SYNPR: variants seen among roughly 807,000 people sequenced by gnomAD.
The protein encoded by SYNPR is synaptoporin.
SYNPR carries 23 observed loss-of-function variants against 32.9 expected under a neutral mutation model. The observed-to-expected ratio is 0.70, with a 90% CI of 0.50 to 0.99. The LOEUF (loss-of-function observed/expected upper bound fraction) is 0.99. Ranked by LOEUF, SYNPR falls within the 50% of genes least tolerant of loss-of-function variation. The pLI, the probability that SYNPR is intolerant of heterozygous loss-of-function variation, is 0.00. For synonymous variants in SYNPR, 146 were observed against 135.9 expected (o/e 1.07, Z -0.52); for missense variants, 318 against 349.3 (o/e 0.91, Z 0.71).
At chr3:63,319,027 C>G (rs1202441455) in intron 2 of SYNPR, among the ~76,000 whole-genome samples, 2 of 152,012 alleles carry the variant, frequency 1.3e-5, no homozygotes, top group African/African-American at 4.8e-5. Context: ...TGTTGTCTCT[C>G]TTCTGGGTCT....
chr3:63,427,640 A>G (rs1286374214), intron 2 of SYNPR: 1 of 152,202 alleles, frequency 6.6e-6, no homozygotes, highest in African/African-American at 2.4e-5. Context: ...TCCCTCCACA[A>G]TGGAGGAGTG....
chr3:63,387,984 C>T (rs1193221380), intron 2 of SYNPR, among the ~76,000 whole-genome samples: 1 of 152,032 alleles, frequency 6.6e-6, no homozygotes, highest in African/African-American at 2.4e-5. Flanking sequence ...CAGGCTGGGG[C>T]AGAGGAAGAA....
intron 3 of SYNPR, among the ~76,000 whole-genome samples, chr3:63,554,295 G>C (rs1702557807): frequency 1.3e-5 from 2 of 152,154 alleles, no homozygotes; most frequent in African/African-American, 4.8e-5. Flanking sequence ...ATTTGCCAAG[G>C]CCAATGTTGA....
At chr3:63,236,445 G>A (rs1367766587) in intron 1 of SYNPR, among the ~76,000 whole-genome samples, 1 of 151,918 alleles carries the variant, frequency 6.6e-6, no homozygotes, top group East Asian at 1.9e-4. Flanking sequence ...ACTGTGTTAA[G>A]CCTATAGTTC....
chr3:63,607,976 G>A (rs1020756869), intron 4 of SYNPR, among the ~76,000 whole-genome samples: 12 of 152,262 alleles, frequency 7.9e-5, no homozygotes, highest in African/African-American at 2.4e-4. Context: ...TTATTATTAA[G>A]AACAAAAGGG....
At chr3:63,478,230 T>A (rs1355671690) in intron 2 of SYNPR, among the ~76,000 whole-genome samples, 2 of 152,222 alleles carry the variant, frequency 1.3e-5, no homozygotes, top group Admixed American at 1.3e-4. Context: ...AAGTTTATTA[T>A]ATGATGGTAT....
chr3:63,327,558 T>G (rs1031725170), intron 2 of SYNPR, among the ~76,000 whole-genome samples: 1 of 152,102 alleles, frequency 6.6e-6, no homozygotes, highest in Non-Finnish European at 1.5e-5. Context: ...ATCAGTAGCA[T>G]GATGAACAAA....
At chr3:63,261,866 G>A (rs994886530) in intron 2 of SYNPR, among the ~76,000 whole-genome samples, 4 of 151,462 alleles carry the variant, frequency 2.6e-5, no homozygotes, top group Non-Finnish European at 5.9e-5. Context: ...ATCACACACC[G>A]GGGACTGTCG....
chr3:63,407,729 T>C (rs931520042), intron 2 of SYNPR, among the ~76,000 whole-genome samples: 9 of 152,152 alleles, frequency 5.9e-5, no homozygotes, highest in African/African-American at 2.2e-4. Context: ...TTTTATCTTG[T>C]TGGAGAGCAA....
chr3:63,210,217 G>T, the SYNPR span, among the ~76,000 whole-genome samples: 1 of 152,178 alleles, frequency 6.6e-6, no homozygotes, highest in Non-Finnish European at 1.5e-5. Flanking sequence ...AGTATTAGTT[G>T]TTAACTACAT....
At chr3:63,276,939 C>T (rs1475682031), upstream of SYNPR, among the ~76,000 whole-genome samples, 1 of 150,638 alleles carries the variant, frequency 6.6e-6, no homozygotes, top group Non-Finnish European at 1.5e-5. Flanking sequence ...CCCATGAACT[C>T]CAAACCTTTT....
chr3:63,438,749 C>A (rs1208401265), intron 2 of SYNPR, among the ~76,000 whole-genome samples: 2 of 152,152 alleles, frequency 1.3e-5, no homozygotes, highest in East Asian at 3.9e-4. Flanking sequence ...AGGAAGGCAC[C>A]ATTAAAGATT....
the SYNPR span, among the ~76,000 whole-genome samples, chr3:63,204,078 T>C: frequency 6.6e-6 from 1 of 152,128 alleles, no homozygotes; most frequent in Non-Finnish European, 1.5e-5. Context: ...CATCAAGACC[T>C]TGTGGGGCCT....
chr3:63,204,729 G>A, the SYNPR span, among the ~76,000 whole-genome samples: 1 of 151,952 alleles, frequency 6.6e-6, no homozygotes, highest in East Asian at 1.9e-4. Flanking sequence ...TGTCACCCAG[G>A]CTGGAGTGCA....
At chr3:63,466,493 G>C (rs1326832423) in intron 2 of SYNPR, among the ~76,000 whole-genome samples, 1 of 151,446 alleles carries the variant, frequency 6.6e-6, no homozygotes, top group African/African-American at 2.4e-5. Context: ...TTCATTATTG[G>C]TGTGGTCATC....
intron 2 of SYNPR, among the ~76,000 whole-genome samples, chr3:63,305,656 G>A (rs1408639965): frequency 2.0e-5 from 3 of 151,758 alleles, no homozygotes; most frequent in Non-Finnish European, 4.4e-5. Flanking sequence ...TTAGGGGTGG[G>A]GCCTAGGCAT....
At chr3:63,238,330 A>G (rs1327947988) in intron 1 of SYNPR, among the ~76,000 whole-genome samples, 1 of 152,094 alleles carries the variant, frequency 6.6e-6, no homozygotes. Flanking sequence ...AAAGAAACTC[A>G]GTTTGAACAA....
In SYNPR at chr3:63,324,779, C is replaced by G. The variant is rs369657183; in HGVS notation, c.84+46037C>G. Among the ~76,000 whole-genome samples the G allele has an allele frequency of 2.6e-5, 4 of 152,164 alleles. No individual in the cohort carries two copies. In the South Asian group the frequency reaches 8.3e-4, roughly 32 times the overall value. ...AGCTAGCTATTTAGTATGGAGAGGA[C>G]CTGGAGCTGTGATTACCAGACACTG... On this transcript the variant is annotated intron_variant, in intron 2 of 5. Transcript: ENST00000478300.
rs148494688 is a variant in SYNPR, at chr3:63,246,776, T to G, written n.67-5723T>G. Among the ~76,000 whole-genome samples the G allele has an allele frequency of 6.5e-3, 993 of 152,098 alleles. 5 individuals are homozygous for G. The highest frequency in any genetic ancestry group is 0.02 in the Middle Eastern group (6 of 294). On this transcript the variant is annotated intron_variant and non_coding_transcript_variant, in intron 1 of 4. Coordinates refer to the SYNPR transcript ENST00000478456. The stretch of plus-strand genomic sequence containing the variant: ...CGGGGCCTCAGGATGTCACAGTAGT[T>G]GAGAACTTGCTTGAGCTTTGGAATT...
Sources: allele counts gnomAD v4.1 joint callset (sites outside exome capture counted in the v4.1 genomes callset), GRCh38; gene constraint gnomAD v4.1.1; transcripts MANE v1.5; gene names NCBI Gene and HGNC (gene_info 2026-07-23, HGNC 2026-07-21).